CLSTN2: variants seen among roughly 807,000 people sequenced by gnomAD.
CLSTN2 encodes calsyntenin 2, also known as calsyntenin-2.
Under a neutral mutation model 101.2 loss-of-function variants are expected in CLSTN2, and 48 were observed. The ratio of observed to expected loss-of-function variants is 0.47; its 90% CI spans 0.38 to 0.60. CLSTN2 has a LOEUF of 0.60. CLSTN2 is among the 20% of genes least tolerant of loss of function. CLSTN2 has a pLI of 0.00. For missense variants in CLSTN2, 1,160 were observed against 1,238.2 expected (o/e 0.94, Z 0.95); for synonymous variants, 481 against 463.6 (o/e 1.04, Z -0.48).
intron 2 of CLSTN2, among the ~76,000 whole-genome samples, chr3:140,342,902 G>T (rs1441339246): frequency 6.6e-6 from 1 of 152,156 alleles, no homozygotes. Flanking sequence ...TGGTGTCTCA[G>T]GGCCCCAAAG....
chr3:140,258,662 C>T (rs955553491), intron 2 of CLSTN2, among the ~76,000 whole-genome samples: 2 of 152,140 alleles, frequency 1.3e-5, no homozygotes, highest in Non-Finnish European at 2.9e-5. Flanking sequence ...TTAATCTTTT[C>T]CCCCCTCTTT....
chr3:140,036,875 T>C (rs941990704), intron 1 of CLSTN2, among the ~76,000 whole-genome samples: 1 of 152,192 alleles, frequency 6.6e-6, no homozygotes. Context: ...CTAACTCTTG[T>C]ATATTGTATA....
At chr3:139,999,204 G>A (rs372822020) in intron 1 of CLSTN2, among the ~76,000 whole-genome samples, 1 of 152,112 alleles carries the variant, frequency 6.6e-6, no homozygotes, top group Non-Finnish European at 1.5e-5. Context: ...TTAGATACAG[G>A]GGGTACATGA....
intron 1 of CLSTN2, 69 bp from the exon 2 acceptor site, chr3:140,175,882 A>T: frequency 6.9e-7 from 1 of 1,453,610 alleles, no homozygotes. Context: ...ATACAATCTT[A>T]ATAATACATT....
chr3:140,092,905 A>G (rs916215059), intron 1 of CLSTN2, among the ~76,000 whole-genome samples: 1 of 152,164 alleles, frequency 6.6e-6, no homozygotes, highest in Non-Finnish European at 1.5e-5. Flanking sequence ...CTCCTCGCTA[A>G]GCATGCTGGC....
chr3:140,351,359 T>C (rs539097900), intron 2 of CLSTN2, among the ~76,000 whole-genome samples: 1 of 152,308 alleles, frequency 6.6e-6, no homozygotes, highest in Admixed American at 6.5e-5. Flanking sequence ...ACAAAGCTGG[T>C]TCATTCTGCA....
At chr3:139,981,477 C>G (rs1935921696) in intron 1 of CLSTN2, among the ~76,000 whole-genome samples, 1 of 152,194 alleles carries the variant, frequency 6.6e-6, no homozygotes, top group Admixed American at 6.5e-5. Flanking sequence ...GATGGCTATG[C>G]CAAGTTTCCA....
At chr3:140,561,555 G>A (rs1441980378) in intron 12 of CLSTN2, among the ~76,000 whole-genome samples, 1 of 152,176 alleles carries the variant, frequency 6.6e-6, no homozygotes, top group African/African-American at 2.4e-5. Context: ...GATTATTAAT[G>A]ATTCAGCTCC....
At chr3:140,324,845 T>C (rs2087316363) in intron 2 of CLSTN2, among the ~76,000 whole-genome samples, 1 of 152,198 alleles carries the variant, frequency 6.6e-6, no homozygotes, top group African/African-American at 2.4e-5. Flanking sequence ...TTCTTTGCAC[T>C]GAGAACAGGT....
intron 5 of CLSTN2, among the ~76,000 whole-genome samples, chr3:140,426,072 T>G (rs2088562464): frequency 6.6e-6 from 1 of 152,220 alleles, no homozygotes; most frequent in African/African-American, 2.4e-5. Flanking sequence ...ATGACAGGCT[T>G]GCATCCTGCC....
chr3:140,293,039 A>G (rs1227504321), intron 2 of CLSTN2, among the ~76,000 whole-genome samples: 2 of 152,228 alleles, frequency 1.3e-5, no homozygotes, highest in African/African-American at 4.8e-5. Context: ...AGAGTGGCAC[A>G]TTGATGGAGA....
chr3:140,256,218 G>A (rs1162118275), intron 2 of CLSTN2, among the ~76,000 whole-genome samples: 4 of 152,052 alleles, frequency 2.6e-5, no homozygotes, highest in African/African-American at 9.7e-5. Flanking sequence ...AAAGATTGGG[G>A]CCCCTCCTTT....
At chr3:140,354,911 C>G (rs1338944834) in intron 2 of CLSTN2, among the ~76,000 whole-genome samples, 2 of 152,198 alleles carry the variant, frequency 1.3e-5, no homozygotes, top group Admixed American at 1.3e-4. Flanking sequence ...ACCTACTATT[C>G]TCCTGCTAGT....
At chr3:140,320,205 G>A (rs758201170) in intron 2 of CLSTN2, among the ~76,000 whole-genome samples, 1 of 152,208 alleles carries the variant, frequency 6.6e-6, no homozygotes, top group Non-Finnish European at 1.5e-5. Context: ...AGAACTCCAT[G>A]CACAGAGGAC....
At chr3:140,048,275 G>T (rs1041311294) in intron 1 of CLSTN2, among the ~76,000 whole-genome samples, 23 of 152,182 alleles carry the variant, frequency 1.5e-4, no homozygotes, top group Non-Finnish European at 1.9e-4. Flanking sequence ...TACCACAGTT[G>T]TGCATGGACC....
At chr3:140,146,572 G>T (rs1383989272) in intron 1 of CLSTN2, among the ~76,000 whole-genome samples, 1 of 152,204 alleles carries the variant, frequency 6.6e-6, no homozygotes, top group African/African-American at 2.4e-5. Flanking sequence ...CTCATCTTGG[G>T]TGCAAGAAAA....
At chr3:140,468,353 G>A (rs1254263010) in intron 8 of CLSTN2, among the ~76,000 whole-genome samples, 1 of 152,156 alleles carries the variant, frequency 6.6e-6, no homozygotes, top group Non-Finnish European at 1.5e-5. Flanking sequence ...TTCTAAGATG[G>A]GATTGAGAGG....
intron 2 of CLSTN2, among the ~76,000 whole-genome samples, chr3:140,187,211 T>C (rs151303882): frequency 8.7e-4 from 133 of 152,274 alleles, no homozygotes; most frequent in Admixed American, 1.4e-3. Context: ...AGGCTGCCTT[T>C]GCTGCTCTGT....
chr3:140,502,050 T>C (rs1026685595), intron 8 of CLSTN2, among the ~76,000 whole-genome samples: 1 of 152,196 alleles, frequency 6.6e-6, no homozygotes, highest in Admixed American at 6.5e-5. Flanking sequence ...CCAAGAATTA[T>C]TGGGAGAATA....
Sources: allele counts gnomAD v4.1 joint callset (sites outside exome capture counted in the v4.1 genomes callset), GRCh38; gene constraint gnomAD v4.1.1; transcripts MANE v1.5; gene names NCBI Gene and HGNC (gene_info 2026-07-23, HGNC 2026-07-21).